The following PCCA variants were observed in gnomAD, a reference collection of about 807,000 sequenced individuals.
The protein encoded by PCCA is propionyl-CoA carboxylase subunit alpha.
Under a neutral mutation model 101.3 loss-of-function variants are expected in PCCA, and 74 were observed. The observed-to-expected ratio is 0.73, with a 90% CI of 0.61 to 0.89. PCCA has a LOEUF of 0.89. Ranked by LOEUF, PCCA falls within the 40% of genes least tolerant of loss-of-function variation. The pLI, the probability that PCCA is intolerant of heterozygous loss-of-function variation, is 0.00. For synonymous variants in PCCA, 294 were observed against 313.6 expected (o/e 0.94, Z 0.66); for missense variants, 891 against 907.0 (o/e 0.98, Z 0.23).
rs371948799 is a variant in PCCA at position 100,230,169 on chromosome 13, T to G, written c.601-5673T>G. 1.6e-4 allele frequency among the ~76,000 whole-genome samples: 24 copies of G among 152,306 alleles called. No homozygotes were observed. In the South Asian group the frequency reaches 3.3e-3, roughly 21 times the overall value. On this transcript the variant is annotated intron_variant, in intron 7 of 23. Transcript: ENST00000376285. The stretch of plus-strand genomic sequence containing the variant: ...CATGAAGGTTAAGTGTGAAAAGGGC[T>G]GCATAATTGCAGGGCGTGGTGTATG...
intron 19 of PCCA, among the ~76,000 whole-genome samples, chr13:100,400,008 A>G (rs1385557578): frequency 5.3e-5 from 8 of 152,234 alleles, no homozygotes; most frequent in Non-Finnish European, 1.0e-4. Flanking sequence ...AGGATGTCAT[A>G]AGAGTTAGGC....
At chr13:100,279,506 T>C (rs1222738438) in intron 12 of PCCA, among the ~76,000 whole-genome samples, 1 of 152,184 alleles carries the variant, frequency 6.6e-6, no homozygotes. Context: ...AGACGGAGTC[T>C]TGCTCTGTCA....
intron 9 of PCCA, among the ~76,000 whole-genome samples, chr13:100,258,544 C>T (rs1035998497): frequency 5.3e-5 from 8 of 152,186 alleles, no homozygotes; most frequent in Admixed American, 1.3e-4. Context: ...TTTCACTGAA[C>T]GCTTAGCGCT....
chr13:100,506,235 C>G (rs1298148951), intron 21 of PCCA, among the ~76,000 whole-genome samples: 3 of 151,978 alleles, frequency 2.0e-5, no homozygotes, highest in African/African-American at 7.3e-5. Context: ...ATCGTGTGTT[C>G]TGTACACAGC....
At chr13:100,091,481 G>A (rs2046276335) in intron 1 of PCCA, among the ~76,000 whole-genome samples, 1 of 152,198 alleles carries the variant, frequency 6.6e-6, no homozygotes, top group South Asian at 2.1e-4. Context: ...GGGGTGGGAA[G>A]CATCTCTGAA....
At chr13:100,314,839 A>T (rs2067201908) in intron 16 of PCCA, among the ~76,000 whole-genome samples, 1 of 152,264 alleles carries the variant, frequency 6.6e-6, no homozygotes, top group Non-Finnish European at 1.5e-5. Context: ...ATCCTGGTTT[A>T]GATCCTGGAC....
Position 100,307,184 on chromosome 13 carries a change from T to TC in PCCA, c.1285-7dup, listed in dbSNP as rs2066518077. 4 of 1,603,250 alleles carry TC rather than the reference T, an allele frequency of 2.5e-6. No individual in the cohort carries two copies. Among genetic ancestry groups the TC allele is most frequent in the African/African-American group, 1.3e-5 (1 of 74,854 alleles). ...AATTACTTTTCTTTTTTTCTTTTTT[T>TC]CTCCCAGGTCCGAGTGGACAGTGGC... is the stretch of plus-strand genomic sequence containing the variant. On this transcript the variant is annotated splice_region_variant and splice_polypyrimidine_tract_variant and intron_variant, in intron 14 of 23. Coordinates refer to ENST00000376285, the MANE Select transcript of PCCA (RefSeq NM_000282.4).
At chr13:100,421,940 C>T (rs2078791607) in intron 19 of PCCA, among the ~76,000 whole-genome samples, 2 of 152,118 alleles carry the variant, frequency 1.3e-5, no homozygotes, top group South Asian at 4.1e-4. Context: ...CCGCCTCGGC[C>T]TCCCAAAGTG....
In PCCA at chr13:100,165,538, T is replaced by C. The variant is rs1383172507; in HGVS notation, c.468+8198T>C. Among the ~76,000 whole-genome samples, 5 of 152,182 alleles carry C rather than the reference T, an allele frequency of 3.3e-5. 1 individual carries two copies. Among genetic ancestry groups the C allele is most frequent in the Non-Finnish European group, 5.9e-5 (4 of 68,016 alleles). On this transcript the variant is annotated intron_variant, in intron 6 of 23. Coordinates refer to ENST00000376285, the MANE Select transcript of PCCA (RefSeq NM_000282.4). ...TTTCTTTAATGAAAAATTTAAGAAA[T>C]ACAGAAAAGTTTGAAGAATTGTACT...
intron 8 of PCCA, among the ~76,000 whole-genome samples, chr13:100,247,052 G>A (rs2061475293): frequency 6.6e-6 from 1 of 151,712 alleles, no homozygotes; most frequent in African/African-American, 2.4e-5. Context: ...GGGATTACAG[G>A]CACCCACCAC....
chr13:100,418,833 CA>C (rs5806159), intron 19 of PCCA, among the ~76,000 whole-genome samples: 78,684 of 134,770 alleles, frequency 0.58, 22,302 homozygotes, highest in South Asian at 0.74. Flanking sequence ...GACTCCACCT[CA>C]AAAAAAAAAA....
intron 7 of PCCA, among the ~76,000 whole-genome samples, chr13:100,227,355 A>C (rs769697340): frequency 1.8e-4 from 28 of 152,358 alleles, no homozygotes; most frequent in Middle Eastern, 6.8e-3. Context: ...TGACATTTGC[A>C]GAAAAGGCAC....
intron 6 of PCCA, among the ~76,000 whole-genome samples, chr13:100,165,669 T>C (rs771164286): frequency 1.2e-4 from 19 of 152,210 alleles, no homozygotes; most frequent in Non-Finnish European, 2.4e-4. Flanking sequence ...ATTTTCATTT[T>C]GCACGTCAAC....
intron 17 of PCCA, among the ~76,000 whole-genome samples, chr13:100,333,155 G>A (rs917723567): frequency 2.0e-5 from 3 of 152,074 alleles, no homozygotes; most frequent in Non-Finnish European, 4.4e-5. Context: ...TCTTCTTTGA[G>A]TGGTTACTGT....
At chr13:100,135,884 A>G (rs1311294605) in intron 4 of PCCA, among the ~76,000 whole-genome samples, 1 of 152,180 alleles carries the variant, frequency 6.6e-6, no homozygotes, top group Non-Finnish European at 1.5e-5. Flanking sequence ...CACTTTTCCT[A>G]AATCAATTGA....
chr13:100,292,965 T>TGTGTGTGTGTGTGTGTGTG (rs1595156115), intron 12 of PCCA, among the ~76,000 whole-genome samples: 1 of 53,266 alleles, frequency 1.9e-5, no homozygotes, highest in African/African-American at 6.8e-5. Flanking sequence ...GTGTGTCTGT[T>TGTGTGTGTGTGTGTGTGTG]TGTGTGTGTG....
At chr13:100,270,730 T>C (rs939581492) in intron 11 of PCCA, among the ~76,000 whole-genome samples, 2 of 152,118 alleles carry the variant, frequency 1.3e-5, no homozygotes, top group Admixed American at 6.5e-5. Flanking sequence ...AAGAATCGGC[T>C]GGGCATGGTG....
intron 12 of PCCA, among the ~76,000 whole-genome samples, chr13:100,299,334 A>G (rs1464526581): frequency 6.6e-6 from 1 of 152,260 alleles, no homozygotes; most frequent in Non-Finnish European, 1.5e-5. Flanking sequence ...AAGCAGAGAC[A>G]CAATAAATTT....
At chr13:100,502,117 G>A (rs1293258446) in intron 21 of PCCA, among the ~76,000 whole-genome samples, 1 of 152,186 alleles carries the variant, frequency 6.6e-6, no homozygotes, top group African/African-American at 2.4e-5. Flanking sequence ...GTTAGGAGGT[G>A]TGTGAGTTCC....
Sources: allele counts gnomAD v4.1 joint callset (sites outside exome capture counted in the v4.1 genomes callset), GRCh38; gene constraint gnomAD v4.1.1; transcripts MANE v1.5; gene names NCBI Gene and HGNC (gene_info 2026-07-23, HGNC 2026-07-21).